The following CACNA1C variants were observed in gnomAD, a reference collection of about 807,000 sequenced individuals.
CACNA1C encodes voltage-dependent L-type calcium channel subunit alpha-1C.
CACNA1C carries 30 observed loss-of-function variants against 229.0 expected under a neutral mutation model. That is an observed-to-expected ratio of 0.13 (90% CI 0.10 to 0.18). The LOEUF (loss-of-function observed/expected upper bound fraction) is 0.18, where lower values mean the gene tolerates loss of function less well. Among genes scored for constraint, CACNA1C ranks in the 10% least tolerant of loss-of-function variants. CACNA1C has a pLI of 1.00. For synonymous variants in CACNA1C, 1,114 were observed against 1,132.5 expected, an observed-to-expected ratio of 0.98 and a Z score of 0.33; for missense variants, 1,658 against 2,845.0, an observed-to-expected ratio of 0.58 and a Z score of 9.49.
chr12:2,386,923 G>T (rs1409369106), intron 3 of CACNA1C, among the ~76,000 whole-genome samples: 1 of 152,210 alleles, frequency 6.6e-6, no homozygotes, highest in African/African-American at 2.4e-5. Context: ...CTAAAGGCAG[G>T]AAGAGTAAAT....
At position 2,647,236 on chromosome 12, in the gene CACNA1C, A is replaced by G. The variant is rs779579719; in HGVS notation, c.3913-1239A>G. ...AGTGGAGAGTAAAAGCCAAGTCCTG[A>G]CTTTCTAGAAAGAGTTAGCAGCTCA... On this transcript the variant is annotated intron_variant, in intron 30 of 46. Coordinates refer to ENST00000399655, the MANE Select transcript of CACNA1C (RefSeq NM_000719.7). This position sits in a 1 kb window ranked among gnomAD's most constrained non-coding sequence, Gnocchi z 4.2. Among the ~76,000 whole-genome samples the G allele has an allele frequency of 2.0e-5, 3 of 152,212 alleles. No homozygotes were observed. The highest frequency in any genetic ancestry group is 4.4e-5 in the Non-Finnish European group (3 of 68,036).
At chr12:2,234,020 A>G (rs6489354) in intron 3 of CACNA1C, among the ~76,000 whole-genome samples, 6,763 of 152,204 alleles carry the variant, frequency 0.044, 182 homozygotes, top group Middle Eastern at 0.075. Context: ...CATTATTCCA[A>G]CACTTCTCCC....
intron 3 of CACNA1C, among the ~76,000 whole-genome samples, chr12:2,197,056 A>T (rs2154309046): frequency 6.6e-6 from 1 of 152,300 alleles, no homozygotes; most frequent in Admixed American, 6.5e-5. Flanking sequence ...GCCTACCTCC[A>T]GAGCCTGGCT....
intron 3 of CACNA1C, among the ~76,000 whole-genome samples, chr12:2,389,260 T>A (rs955907035): frequency 6.6e-6 from 1 of 151,998 alleles, no homozygotes; most frequent in Non-Finnish European, 1.5e-5. Context: ...TTCCGAGATG[T>A]GTTGATCACC....
intron 3 of CACNA1C, among the ~76,000 whole-genome samples, chr12:2,203,230 C>T (rs962953752): frequency 7.2e-5 from 11 of 152,104 alleles, no homozygotes; most frequent in Admixed American, 3.3e-4. Context: ...ATGGGATGTC[C>T]GCCTGCGATC....
intron 3 of CACNA1C, among the ~76,000 whole-genome samples, chr12:2,406,995 C>T (rs551216153): frequency 3.2e-4 from 49 of 152,372 alleles, no homozygotes; most frequent in African/African-American, 9.6e-4. Flanking sequence ...CACTCGGCCC[C>T]CATCAGCACT....
chr12:2,155,046 G>A (rs982792381), intron 3 of CACNA1C, among the ~76,000 whole-genome samples: 1 of 152,112 alleles, frequency 6.6e-6, no homozygotes, highest in African/African-American at 2.4e-5. Flanking sequence ...TTTTCACTTG[G>A]TGAATCCTGG....
At chr12:2,450,458 GCAGGAGAATGGCGTGAACC>G (rs1427489960) in intron 4 of CACNA1C, among the ~76,000 whole-genome samples, 9 of 147,758 alleles carry the variant, frequency 6.1e-5, no homozygotes, top group African/African-American at 2.3e-4. Context: ...GGAGGCTGAG[GCAGGAGAATGGCGTGAACC>G]CGGGAGGCGG....
chr12:2,664,961 A>G lies in CACNA1C; in HGVS notation c.4369A>G (p.Ile1457Val), dbSNP rs781315664. ...TAGCAGCTTTGCTGTCTTCTACTTC[A>G]TCAGCTTCTACATGCTCTGTGCCTT... ...CGSSFAVFYFISFYMLCAFLI... is the reference protein window; with the variant it reads ...CGSSFAVFYFVSFYMLCAFLI... The change falls in exon 35 of 47, where the codon ATC (isoleucine) becomes GTC (valine). Residue 1457 changes from isoleucine to valine, a missense_variant. Physicochemically the swap from Ile to Val is conservative, Grantham distance 29. Coordinates refer to ENST00000399655, the MANE Select transcript of CACNA1C (RefSeq NM_000719.7). 12 of 1,614,206 alleles carry G rather than the reference A, an allele frequency of 7.4e-6. No homozygotes were observed. Among genetic ancestry groups the G allele is most frequent in the Admixed American group, 3.3e-5 (2 of 60,032 alleles).
chr12:2,238,409 G>T (rs1362190491), intron 3 of CACNA1C, among the ~76,000 whole-genome samples: 1 of 152,190 alleles, frequency 6.6e-6, no homozygotes, highest in Non-Finnish European at 1.5e-5. Context: ...TTTCTGAGCT[G>T]CAGACTCGGA....
chr12:2,063,710 T>C (rs2058358306), intron 1 of CACNA1C, among the ~76,000 whole-genome samples: 1 of 152,238 alleles, frequency 6.6e-6, no homozygotes, highest in Non-Finnish European at 1.5e-5. Flanking sequence ...CGTTGTACCA[T>C]GTGTCAGGAC....
intron 18 of CACNA1C, among the ~76,000 whole-genome samples, chr12:2,587,534 T>C (rs546751994): frequency 1.1e-3 from 163 of 152,194 alleles, no homozygotes; most frequent in Non-Finnish European, 2.0e-3. Context: ...TCTCAAATTC[T>C]ATTAATCTAT....
chr12:2,198,649 G>A (rs1157187991), intron 3 of CACNA1C, among the ~76,000 whole-genome samples: 1 of 152,094 alleles, frequency 6.6e-6, no homozygotes, highest in Non-Finnish European at 1.5e-5. Flanking sequence ...CTTCTCTGTG[G>A]CTTGCAGTTT....
intron 7 of CACNA1C, among the ~76,000 whole-genome samples, chr12:2,498,591 G>A (rs1329675728): frequency 6.6e-6 from 1 of 152,212 alleles, no homozygotes; most frequent in Non-Finnish European, 1.5e-5. Context: ...GAAGAATAAG[G>A]CCTGCCCAGG....
chr12:1,991,840 A>T (rs2039507309), intron 1 of CACNA1C: 1 of 154,022 alleles, frequency 6.5e-6, no homozygotes, highest in Non-Finnish European at 1.4e-5. Flanking sequence ...ATAAGAATTT[A>T]AAATAAAATA....
In CACNA1C at chr12:2,633,298, G is replaced by A. The variant is rs933413243; in HGVS notation, c.3829-999G>A. Among the ~76,000 whole-genome samples, 7 of 152,066 alleles carry A rather than the reference G, an allele frequency of 4.6e-5. No homozygotes were observed. The highest frequency in any genetic ancestry group is 7.4e-5 in the Non-Finnish European group (5 of 68,006). ...GAGAGCATAGTAGCCACATCCTGCC[G>A]CCTGGCGATTTGCACCACCCACGCC... On this transcript the variant is annotated intron_variant, in intron 29 of 46. Coordinates refer to ENST00000399655, the MANE Select transcript of CACNA1C (RefSeq NM_000719.7). This position sits in a 1 kb window ranked among gnomAD's most constrained non-coding sequence, Gnocchi z 5.8.
intron 1 of CACNA1C, among the ~76,000 whole-genome samples, chr12:2,033,925 T>C (rs928556904): frequency 2.6e-5 from 4 of 152,150 alleles, no homozygotes; most frequent in Non-Finnish European, 5.9e-5. Context: ...AGAGAAGCAC[T>C]GACAGAGAAA....
chr12:2,174,208 A>G (rs1273637705), intron 3 of CACNA1C, among the ~76,000 whole-genome samples: 1 of 152,058 alleles, frequency 6.6e-6, no homozygotes, highest in Non-Finnish European at 1.5e-5. Flanking sequence ...CTCTCAGGCA[A>G]GAGAGAAAAC....
chr12:1,975,610 A>G (rs2034087399), intron 1 of CACNA1C, among the ~76,000 whole-genome samples: 1 of 152,142 alleles, frequency 6.6e-6, no homozygotes, highest in Non-Finnish European at 1.5e-5. Flanking sequence ...GCTCTCTTAA[A>G]CACAAAACAT....
Sources: allele counts gnomAD v4.1 joint callset (sites outside exome capture counted in the v4.1 genomes callset), GRCh38; gene constraint gnomAD v4.1.1; non-coding constraint Gnocchi (gnomAD v3.1); transcripts MANE v1.5; gene names NCBI Gene and HGNC (gene_info 2026-07-23, HGNC 2026-07-21).